GON4L: variants seen among roughly 807,000 people sequenced by gnomAD.
GON4L encodes the protein gon-4 like.
GON4L carries 87 observed loss-of-function variants against 211.8 expected under a neutral mutation model. The ratio of observed to expected loss-of-function variants is 0.41; its 90% CI spans 0.35 to 0.49. The LOEUF (loss-of-function observed/expected upper bound fraction) is 0.49, where lower values mean the gene tolerates loss of function less well. GON4L is among the 20% of genes least tolerant of loss of function. GON4L has a pLI of 0.15. For synonymous variants in GON4L, 875 were observed against 962.6 expected, an observed-to-expected ratio of 0.91 and a Z score of 1.68; for missense variants, 2,155 against 2,659.5, an observed-to-expected ratio of 0.81 and a Z score of 4.17.
intron 23 of GON4L, among the ~76,000 whole-genome samples, 172 bp from the exon 24 acceptor site, chr1:155,760,813 A>C (rs1203611068): frequency 2.0e-5 from 3 of 152,226 alleles, no homozygotes; most frequent in Admixed American, 6.5e-5. Flanking sequence ...ACAGAGCAAT[A>C]GGCAAGGTAA....
chr1:155,786,573 T>C (rs1415694467), intron 12 of GON4L, among the ~76,000 whole-genome samples: 5 of 152,034 alleles, frequency 3.3e-5, no homozygotes, highest in Non-Finnish European at 5.9e-5. Context: ...CAGCAGGGTT[T>C]CACAGGACGC....
intron 12 of GON4L, among the ~76,000 whole-genome samples, chr1:155,787,733 A>T (rs2101930510): frequency 6.6e-6 from 1 of 152,242 alleles, no homozygotes; most frequent in Admixed American, 6.5e-5. Flanking sequence ...ATACAGCACC[A>T]ATGCACTCCA....
At position 155,762,216 on chromosome 1, in the gene GON4L, C is replaced by A. The variant is rs1661885824; in HGVS notation, c.4885G>T (p.Ala1629Ser). 1 of 1,608,912 alleles carries A rather than the reference C, an allele frequency of 6.2e-7. No homozygotes were observed. Among genetic ancestry groups the A allele is most frequent in the Non-Finnish European group, 8.5e-7 (1 of 1,177,840 alleles). The change falls in exon 23 of 32, where the codon GCC (alanine) becomes TCC (serine). Residue 1629 changes from alanine (A) to serine (S), a missense_variant. Transcript: ENST00000368331. ...CTGGTCAGATAAGCTTGGGCAAAGG[C>A]CAAGTCCTTCTGCTCCCTGAGTGGA... ...RDPLREQKDL[A>S]FAQAYLTRVR...
chr1:155,850,893 C>CA (rs1054559671), intron 2 of GON4L, among the ~76,000 whole-genome samples: 1,659 of 127,852 alleles, frequency 0.013, 11 homozygotes, highest in Non-Finnish European at 0.02. Flanking sequence ...AACTAAAATA[C>CA]AAAAAAAAAA....
intron 21 of GON4L, 155 bp downstream of exon 21, chr1:155,764,845 C>G: frequency 2.6e-6 from 4 of 1,552,392 alleles, no homozygotes; most frequent in Non-Finnish European, 3.6e-6. Flanking sequence ...CTCATTTCAC[C>G]TCAACTCCAC....
rs376573353 is a variant in GON4L at position 155,814,306 on chromosome 1, C to T, written c.1281+24G>A. On this transcript the variant is annotated intron_variant, in intron 9 of 31. Transcript: ENST00000368331. ...CTACTTAGACAGTTATGTCTAACAT[C>T]TCTTTTGTATGATGCCGATTTACCT... 4 of 1,603,614 alleles carry T rather than the reference C, an allele frequency of 2.5e-6. No homozygotes were observed. The African/African-American group carries it at 5.4e-5, about 21-fold the overall frequency.
chr1:155,829,307 A>T (rs1430054125), intron 2 of GON4L, among the ~76,000 whole-genome samples: 1 of 152,052 alleles, frequency 6.6e-6, no homozygotes, highest in Non-Finnish European at 1.5e-5. Context: ...TTCTCAGCTA[A>T]TTTTGATGTT....
chr1:155,799,989 T>C (rs1457366116), intron 11 of GON4L, among the ~76,000 whole-genome samples: 1 of 151,920 alleles, frequency 6.6e-6, no homozygotes, highest in Non-Finnish European at 1.5e-5. Flanking sequence ...TCACCTGAGG[T>C]TGGAAGTTCG....
chr1:155,820,410 T>C (rs1220341303), intron 6 of GON4L, among the ~76,000 whole-genome samples, 196 bp downstream of exon 6: 1 of 152,212 alleles, frequency 6.6e-6, no homozygotes, highest in African/African-American at 2.4e-5. Context: ...CAAAAAGCAA[T>C]GCTTCATATC....
At chr1:155,854,247 G>A (rs185753769) in intron 1 of GON4L, among the ~76,000 whole-genome samples, 11 of 152,320 alleles carry the variant, frequency 7.2e-5, no homozygotes, top group East Asian at 3.8e-4. Flanking sequence ...CGCCTCTCGC[G>A]TTTTACGCCA....
In GON4L at chr1:155,834,599, T is replaced by C. The variant is rs150942337; in HGVS notation, c.506-7571A>G. 3.3e-5 allele frequency among the ~76,000 whole-genome samples: 5 copies of C among 152,228 alleles called. No individual in the cohort carries two copies. The East Asian group carries it at 9.6e-4, about 29-fold the overall frequency. ...CCCCGCTGAACAAAACAGGAGCTGA[T>C]CAAAGAAACTGGCCAAAACCAGCTA... On this transcript the variant is annotated intron_variant, in intron 2 of 31. Coordinates refer to ENST00000368331, the MANE Select transcript of GON4L (RefSeq NM_001282860.2).
chr1:155,836,911 T>C (rs1670365339), intron 2 of GON4L, among the ~76,000 whole-genome samples: 1 of 152,194 alleles, frequency 6.6e-6, no homozygotes, highest in Non-Finnish European at 1.5e-5. Flanking sequence ...TTGAGAGGTA[T>C]TCCTTTGTGC....
intron 13 of GON4L, chr1:155,784,358 C>CTTTTTTTTTTTTTTTTTTTTTTTT (rs869034483): frequency 1.0e-5 from 1 of 96,202 alleles, no homozygotes; most frequent in Non-Finnish European, 1.8e-5. Context: ...TCTCTCTCTC[C>CTTTTTTTTTTTTTTTTTTTTTTTT]TTTTTTTTTT....
chr1:155,784,075 C>T lies in GON4L; in HGVS notation c.1803G>A (p.Met601Ile). The T allele has an allele frequency of 6.2e-7, 1 of 1,614,046 alleles. No individual in the cohort carries two copies. Among genetic ancestry groups the T allele is most frequent in the Non-Finnish European group, 8.5e-7 (1 of 1,179,936 alleles). ...EELFETFQDEMGFSNMEDDGP... is the reference protein window; with the variant it reads ...EELFETFQDEIGFSNMEDDGP... ...CATCATCTTCCATGTTGGAGAATCCCATCTCATCTTGGAACTGTGGGCAAA... is the reference window on the plus strand; with the variant it reads ...CATCATCTTCCATGTTGGAGAATCCTATCTCATCTTGGAACTGTGGGCAAA... The change falls in exon 14 of 32, where the codon ATG becomes ATA. Residue 601 changes from methionine to isoleucine, a missense_variant. By Grantham distance (10) the Met-to-Ile change is conservative. Around this residue, in one of 6 missense-constraint regions of GON4L, gnomAD observed 551 missense variants for 854.0 expected, o/e 0.65. Transcript: ENST00000368331.
intron 29 of GON4L, 35 bp downstream of exon 29, chr1:155,753,169 G>A (rs776810047): frequency 6.7e-7 from 1 of 1,493,742 alleles, no homozygotes; most frequent in South Asian, 1.1e-5. Context: ...TAACGAGACT[G>A]AGGAACAGAA....
chr1:155,751,527 C>T (rs1189369083), intron 31 of GON4L, among the ~76,000 whole-genome samples: 1 of 152,010 alleles, frequency 6.6e-6, no homozygotes, highest in Non-Finnish European at 1.5e-5. Flanking sequence ...CCAGCCTAGG[C>T]GACAAGTGAA....
intron 3 of GON4L, among the ~76,000 whole-genome samples, chr1:155,826,425 G>C (rs180968876): frequency 1.3e-3 from 193 of 152,096 alleles, no homozygotes; most frequent in African/African-American, 4.2e-3. Context: ...ATTAAGCCGG[G>C]TGTGGTGGCA....
chr1:155,784,251 A>C, intron 13 of GON4L, 162 bp from the exon 14 acceptor site: 1 of 943,666 alleles, frequency 1.1e-6, no homozygotes, highest in South Asian at 1.5e-5. Flanking sequence ...ATTCCCACAA[A>C]CCCACACTTG....
intron 2 of GON4L, among the ~76,000 whole-genome samples, chr1:155,851,052 CA>C (rs55815558): frequency 0.07 from 5,462 of 78,204 alleles, 110 homozygotes; most frequent in African/African-American, 0.13. Context: ...GACTCCACCT[CA>C]AAAAAAAAAA....
Sources: gnomAD v4.1 joint callset for allele counts (sites outside exome capture counted in the v4.1 genomes callset) on GRCh38, gnomAD v4.1.1 for gene constraint, gnomAD v4.1.1 regional missense constraint, MANE v1.5 for transcripts, NCBI Gene and HGNC (gene_info 2026-07-23, HGNC 2026-07-21) for gene names.